The following NAALADL2 variants were observed in gnomAD, a reference collection of about 807,000 sequenced individuals.
The protein encoded by NAALADL2 is N-acetylated alpha-linked acidic dipeptidase like 2, also known as inactive N-acetylated-alpha-linked acidic dipeptidase-like protein 2.
A neutral mutation model predicts 87.2 loss-of-function variants in NAALADL2; 76 were observed. The observed-to-expected ratio is 0.87, with a 90% CI of 0.72 to 1.05. The LOEUF is 1.05. NAALADL2 is among the 50% of genes least tolerant of loss of function. The pLI, the probability that NAALADL2 is intolerant of heterozygous loss-of-function variation, is 0.00. For missense variants in NAALADL2, 1,089 were observed against 945.8 expected (o/e 1.15, Z -1.99); for synonymous variants, 354 against 331.0 (o/e 1.07, Z -0.75).
chr3:175,782,873 G>A (rs1171313101), intron 13 of NAALADL2, among the ~76,000 whole-genome samples: 47 of 146,868 alleles, frequency 3.2e-4, no homozygotes, highest in African/African-American at 1.3e-3. Flanking sequence ...ATCTTGAATT[G>A]ATTTTTGTAT....
chr3:175,186,102 G>A (rs886748509), intron 2 of NAALADL2, among the ~76,000 whole-genome samples: 9 of 152,000 alleles, frequency 5.9e-5, no homozygotes, highest in African/African-American at 1.9e-4. Flanking sequence ...GCATAACTTT[G>A]TAAGGCATCA....
intron 2 of NAALADL2, among the ~76,000 whole-genome samples, chr3:174,631,101 G>T (rs1297986479): frequency 6.6e-6 from 1 of 151,868 alleles, no homozygotes; most frequent in African/African-American, 2.4e-5. Context: ...TTAGTGGTCA[G>T]ATTCTGTTTC....
At chr3:174,912,522 G>A (rs892988205) in intron 1 of NAALADL2, among the ~76,000 whole-genome samples, 11 of 152,106 alleles carry the variant, frequency 7.2e-5, no homozygotes, top group African/African-American at 2.4e-5. Context: ...CAGCTAAAAG[G>A]TGTTTCTGTT....
chr3:174,930,614 CTTTTTTTTTTTTT>C (rs760690405), intron 1 of NAALADL2, among the ~76,000 whole-genome samples: 1 of 66,798 alleles, frequency 1.5e-5, no homozygotes, highest in Non-Finnish European at 2.7e-5. Flanking sequence ...ATAAGATGAA[CTTTTTTTTTTTTT>C]TTTTTTTTTT....
At chr3:174,621,561 G>A (rs753319750) in intron 2 of NAALADL2, among the ~76,000 whole-genome samples, 5 of 152,088 alleles carry the variant, frequency 3.3e-5, no homozygotes, top group Non-Finnish European at 7.4e-5. Context: ...TAGACCTCAT[G>A]TAATGAGGAA....
intron 4 of NAALADL2, among the ~76,000 whole-genome samples, chr3:175,287,939 T>C (rs966931870): frequency 6.6e-6 from 1 of 152,214 alleles, no homozygotes; most frequent in Non-Finnish European, 1.5e-5. Context: ...CTATTGATAT[T>C]ATTATACAGT....
chr3:175,477,186 G>A (rs901823334), intron 9 of NAALADL2, among the ~76,000 whole-genome samples: 1 of 152,038 alleles, frequency 6.6e-6, no homozygotes, highest in African/African-American at 2.4e-5. Context: ...CCTATAAATA[G>A]CTTAGAACTT....
At chr3:175,411,850 CACTGGGAGCTTA>C (rs1235641108) in intron 5 of NAALADL2, among the ~76,000 whole-genome samples, 1 of 152,044 alleles carries the variant, frequency 6.6e-6, no homozygotes, top group African/African-American at 2.4e-5. Context: ...TCATCAGAGC[CACTGGGAGCTTA>C]ACTGTGCATT....
chr3:175,394,485 T>C (rs1769503381), intron 5 of NAALADL2, among the ~76,000 whole-genome samples: 1 of 152,206 alleles, frequency 6.6e-6, no homozygotes. Context: ...TGTACAAATA[T>C]CATGTGTCAA....
At chr3:175,205,345 A>G (rs1179778007) in intron 2 of NAALADL2, among the ~76,000 whole-genome samples, 15 of 152,166 alleles carry the variant, frequency 9.9e-5, no homozygotes, top group Admixed American at 9.2e-4. Context: ...TGAAGTGGGG[A>G]AAGGACACTG....
chr3:174,687,462 T>C (rs1184438462), intron 2 of NAALADL2, among the ~76,000 whole-genome samples: 1 of 152,050 alleles, frequency 6.6e-6, no homozygotes, highest in Non-Finnish European at 1.5e-5. Context: ...GATTTAGAGG[T>C]GATTCGCTTA....
intron 2 of NAALADL2, among the ~76,000 whole-genome samples, chr3:175,116,269 A>G (rs1263802250): frequency 2.0e-5 from 3 of 152,052 alleles, no homozygotes; most frequent in Non-Finnish European, 4.4e-5. Context: ...AGGATATTCA[A>G]TTAGGAAAAG....
chr3:175,029,049 TTA>T (rs57707474), intron 1 of NAALADL2, among the ~76,000 whole-genome samples: 5 of 141,332 alleles, frequency 3.5e-5, no homozygotes, highest in African/African-American at 1.1e-4. Context: ...TATATTAAAA[TTA>T]TATATATATA....
intron 2 of NAALADL2, among the ~76,000 whole-genome samples, chr3:174,590,539 A>G (rs572918512): frequency 3.4e-4 from 52 of 152,232 alleles, no homozygotes; most frequent in Non-Finnish European, 6.9e-4. Flanking sequence ...ATTATATTAA[A>G]TTTTAAAGTA....
intron 2 of NAALADL2, among the ~76,000 whole-genome samples, chr3:175,134,789 G>A (rs960566973): frequency 1.3e-5 from 2 of 152,146 alleles, no homozygotes; most frequent in African/African-American, 2.4e-5. Context: ...GCCACTCTAA[G>A]TGAGACCATG....
At chr3:175,020,637 C>T (rs980580508) in intron 1 of NAALADL2, among the ~76,000 whole-genome samples, 1 of 152,058 alleles carries the variant, frequency 6.6e-6, no homozygotes, top group African/African-American at 2.4e-5. Flanking sequence ...ACTGGCCTTA[C>T]TTGTTTTCAG....
intron 3 of NAALADL2, among the ~76,000 whole-genome samples, chr3:174,847,729 G>T (rs113283816): frequency 6.6e-6 from 1 of 151,898 alleles, no homozygotes; most frequent in African/African-American, 2.4e-5. Flanking sequence ...TAAACAACGG[G>T]TGTAGAACTA....
intron 2 of NAALADL2, among the ~76,000 whole-genome samples, chr3:175,148,387 G>C (rs1490036116): frequency 6.6e-6 from 1 of 151,902 alleles, no homozygotes; most frequent in African/African-American, 2.4e-5. Context: ...CAATTAGGTA[G>C]GTTGTCTGTT....
intron 5 of NAALADL2, among the ~76,000 whole-genome samples, chr3:175,386,698 A>G (rs1383114541): frequency 1.3e-5 from 2 of 152,154 alleles, no homozygotes; most frequent in Admixed American, 1.3e-4. Flanking sequence ...CATTCTGGTT[A>G]GAATAATGAA....
Sources: allele counts gnomAD v4.1 joint callset (sites outside exome capture counted in the v4.1 genomes callset), GRCh38; gene constraint gnomAD v4.1.1; transcripts MANE v1.5; gene names NCBI Gene and HGNC (gene_info 2026-07-23, HGNC 2026-07-21).